GAB1: variants seen among roughly 807,000 people sequenced by gnomAD.
The protein encoded by GAB1 is GRB2 associated binding protein 1.
GAB1 carries 19 observed loss-of-function variants against 66.5 expected under a neutral mutation model. The observed-to-expected ratio is 0.29, with a 90% CI of 0.20 to 0.42. The LOEUF (loss-of-function observed/expected upper bound fraction) is 0.42, where lower values mean the gene tolerates loss of function less well. Among genes scored for constraint, GAB1 ranks in the 10% least tolerant of loss-of-function variants. The probability of loss-of-function intolerance (pLI) is 1.00; values close to 1 mark genes in which losing one functional copy is unlikely to be tolerated. For missense variants in GAB1, 732 were observed against 858.5 expected (o/e 0.85, Z 1.84); for synonymous variants, 294 against 301.4 (o/e 0.98, Z 0.25).
chr4:143,371,480 T>G (rs900168671), intron 1 of GAB1, among the ~76,000 whole-genome samples: 47 of 152,340 alleles, frequency 3.1e-4, no homozygotes, highest in African/African-American at 9.6e-4. Context: ...TTGTAAAAAT[T>G]TTCTCCCATT....
rs532333764 is a variant in GAB1, at chr4:143,424,816, G to A, written c.368-8675G>A. Reference sequence around the variant, plus strand: ...CTAAAAATACAAAAGTTAGCTGGGCGTGGTGGCGTGTGCCTGTAGTCCCAG... The same window carrying A: ...CTAAAAATACAAAAGTTAGCTGGGCATGGTGGCGTGTGCCTGTAGTCCCAG... On this transcript the variant is annotated intron_variant, in intron 2 of 9. Transcript: ENST00000262994. 115 of 330,384 alleles carry A rather than the reference G, an allele frequency of 3.5e-4. 1 individual carries two copies. The highest frequency in any genetic ancestry group is 6.0e-4 in the Non-Finnish European group (105 of 175,312). The allele number at this position is 330,384 out of a possible 1,614,324, so 20.5% of individuals were successfully genotyped here.
intron 1 of GAB1, among the ~76,000 whole-genome samples, chr4:143,365,093 G>A: frequency 6.6e-6 from 1 of 151,562 alleles, no homozygotes; most frequent in Non-Finnish European, 1.5e-5. Context: ...TAGCCAAGAT[G>A]GTCTCGATCT....
intron 6 of GAB1, among the ~76,000 whole-genome samples, chr4:143,446,326 G>A (rs1734530263): frequency 6.6e-6 from 1 of 152,210 alleles, no homozygotes; most frequent in Admixed American, 6.5e-5. Context: ...GGATGGCTGG[G>A]TCAAATGGTA....
At chr4:143,347,325 G>A (rs958713466) in intron 1 of GAB1, among the ~76,000 whole-genome samples, 13 of 152,170 alleles carry the variant, frequency 8.5e-5, no homozygotes, top group Non-Finnish European at 1.5e-4. Flanking sequence ...TTGTTTGAGT[G>A]TCCTTTGGCT....
At chr4:143,367,728 T>G (rs909835349) in intron 1 of GAB1, among the ~76,000 whole-genome samples, 4 of 145,560 alleles carry the variant, frequency 2.7e-5, no homozygotes, top group African/African-American at 7.7e-5. Flanking sequence ...GGTTTTTTTT[T>G]TTTTTTTTTT....
chr4:143,342,164 AATG>A (rs1358143308), intron 1 of GAB1, among the ~76,000 whole-genome samples: 2 of 152,224 alleles, frequency 1.3e-5, no homozygotes, highest in Non-Finnish European at 2.9e-5. Context: ...GCCTGGGCTG[AATG>A]ATAAGTGTAG....
At chr4:143,340,177 A>G (rs1560708081) in intron 1 of GAB1, among the ~76,000 whole-genome samples, 1 of 152,200 alleles carries the variant, frequency 6.6e-6, no homozygotes, top group Admixed American at 6.5e-5. Flanking sequence ...AGATATAGAC[A>G]TGTATACGTG....
chr4:143,406,523 A>G (rs991369347), intron 1 of GAB1, among the ~76,000 whole-genome samples: 1 of 152,232 alleles, frequency 6.6e-6, no homozygotes, highest in Non-Finnish European at 1.5e-5. Context: ...TGTAAACTCC[A>G]ACTAACAGAG....
At chr4:143,421,704 T>C (rs1451898656) in intron 2 of GAB1, among the ~76,000 whole-genome samples, 1 of 149,134 alleles carries the variant, frequency 6.7e-6, no homozygotes. Context: ...TTTTCTTTTT[T>C]TTTTTTTTTG....
chr4:143,464,535 A>G (rs547077464), intron 8 of GAB1, among the ~76,000 whole-genome samples: 4 of 152,214 alleles, frequency 2.6e-5, no homozygotes, highest in African/African-American at 9.6e-5. Flanking sequence ...TAGCCATTTT[A>G]TATATTTTTT....
chr4:143,456,678 T>C (rs1735210038), intron 6 of GAB1, among the ~76,000 whole-genome samples: 1 of 152,264 alleles, frequency 6.6e-6, no homozygotes, highest in Admixed American at 6.5e-5. Flanking sequence ...TACAGAATTA[T>C]ATTTTAAGAA....
At chr4:143,359,184 A>G (rs1187286414) in intron 1 of GAB1, among the ~76,000 whole-genome samples, 1 of 152,194 alleles carries the variant, frequency 6.6e-6, no homozygotes, top group Non-Finnish European at 1.5e-5. Flanking sequence ...CTTTGGGGCC[A>G]TTTCCGTTTT....
chr4:143,419,276 G>A lies in GAB1; in HGVS notation c.367+3505G>A, dbSNP rs546547409. Among the ~76,000 whole-genome samples the A allele has an allele frequency of 3.3e-5, 5 of 152,120 alleles. No individual in the cohort carries two copies. In the South Asian group the frequency reaches 8.3e-4, roughly 25 times the overall value. Reference sequence around the variant, plus strand: ...AATTCTATGGAAGTTTATGAATATAGTTCTTGTGCTCATAGAGCTTACAGT... The same window carrying A: ...AATTCTATGGAAGTTTATGAATATAATTCTTGTGCTCATAGAGCTTACAGT... On this transcript the variant is annotated intron_variant, in intron 2 of 9. Transcript: ENST00000262994.
rs973739481 is a variant in GAB1, at chr4:143,337,022, G to C, written c.-167G>C. ...TCGTGGGCCTGCAGAGGAGAGACTC[G>C]AACTCGTGGAACCCGCGCACCGTGG... On this transcript the variant is annotated 5_prime_UTR_variant, in exon 1 of 10. Coordinates refer to ENST00000262994, the MANE Select transcript of GAB1 (RefSeq NM_002039.4). 1.1e-5 allele frequency: 7 copies of C among 614,870 alleles called. No individual in the cohort carries two copies. The highest frequency in any genetic ancestry group is 3.1e-5 in the Admixed American group (1 of 32,496). 38.1% of individuals were successfully genotyped at this position (614,870 alleles called of 1,614,324 possible). A position where few individuals can be genotyped will look rare whatever the true frequency, so the allele number is the denominator to read the frequency against.
Position 143,340,596 on chromosome 4 carries a change from T to C in GAB1, c.72+3336T>C, listed in dbSNP as rs570605830. On this transcript the variant is annotated intron_variant, in intron 1 of 9. Transcript: ENST00000262994. ...CACTATCTCGGCTCACTGCAACCTC[T>C]GCCTCCCAGATACAAGCAGTTCTTC... Among the ~76,000 whole-genome samples the C allele has an allele frequency of 1.5e-3, 235 of 152,284 alleles. 1 individual carries two copies. The highest frequency in any genetic ancestry group is 2.7e-3 in the Non-Finnish European group (184 of 68,012).
At chr4:143,355,636 C>T (rs1729416917) in intron 1 of GAB1, among the ~76,000 whole-genome samples, 1 of 152,122 alleles carries the variant, frequency 6.6e-6, no homozygotes, top group Admixed American at 6.6e-5. Context: ...GTGTTTGCTC[C>T]TTCACAGTAG....
At chr4:143,384,269 C>A (rs1730793758) in intron 1 of GAB1, among the ~76,000 whole-genome samples, 1 of 152,186 alleles carries the variant, frequency 6.6e-6, no homozygotes, top group African/African-American at 2.4e-5. Flanking sequence ...CTTGGTATAG[C>A]AATGACTAGT....
intron 2 of GAB1, among the ~76,000 whole-genome samples, chr4:143,429,903 G>A (rs1733559044): frequency 6.6e-6 from 1 of 152,194 alleles, no homozygotes; most frequent in Non-Finnish European, 1.5e-5. Context: ...TTGTTCACAG[G>A]ATTATACCTT....
At chr4:143,382,743 C>T (rs1473659013) in intron 1 of GAB1, among the ~76,000 whole-genome samples, 4 of 151,592 alleles carry the variant, frequency 2.6e-5, no homozygotes, top group South Asian at 2.1e-4. Flanking sequence ...AAACTGAGGA[C>T]GCTGATTTGT....
Sources: allele counts gnomAD v4.1 joint callset (sites outside exome capture counted in the v4.1 genomes callset), GRCh38; gene constraint gnomAD v4.1.1; transcripts MANE v1.5; gene names NCBI Gene and HGNC (gene_info 2026-07-23, HGNC 2026-07-21).